Variants in CNOT4 observed in about 807,000 individuals in gnomAD.
CNOT4 encodes CCR4-NOT transcription complex subunit 4, also known as CCR4-associated factor 4.
A neutral mutation model predicts 73.8 loss-of-function variants in CNOT4; 8 were observed. The ratio of observed to expected loss-of-function variants is 0.11; its 90% CI spans 0.06 to 0.20. The LOEUF (loss-of-function observed/expected upper bound fraction) is 0.20. Ranked by LOEUF, CNOT4 falls within the 10% of genes least tolerant of loss-of-function variation. The pLI is 1.00. For synonymous variants in CNOT4, 293 were observed against 321.1 expected (o/e 0.91, Z 0.94); for missense variants, 564 against 883.4 (o/e 0.64, Z 4.58).
At chr7:135,505,794 G>T (rs1002060810) in intron 1 of CNOT4, among the ~76,000 whole-genome samples, 2 of 151,998 alleles carry the variant, frequency 1.3e-5, no homozygotes, top group African/African-American at 4.8e-5. Flanking sequence ...TATAAACTTT[G>T]TAATTAAATA....
intron 1 of CNOT4, among the ~76,000 whole-genome samples, chr7:135,445,797 A>G (rs1799789129): frequency 1.3e-5 from 2 of 152,358 alleles, no homozygotes; most frequent in South Asian, 4.1e-4. Context: ...ATGCTACAAC[A>G]TGAATGAACC....
intron 1 of CNOT4, among the ~76,000 whole-genome samples, chr7:135,456,993 A>C (rs1282687969): frequency 1.3e-5 from 2 of 152,050 alleles, no homozygotes; most frequent in East Asian, 3.8e-4. Flanking sequence ...AACTACTATA[A>C]CTACTAATTC....
At chr7:135,427,750 T>C (rs1013435196) in intron 2 of CNOT4, among the ~76,000 whole-genome samples, 2 of 151,902 alleles carry the variant, frequency 1.3e-5, no homozygotes, top group African/African-American at 4.8e-5. Flanking sequence ...CCATGAAAAA[T>C]ACAACATAAA....
chr7:135,470,561 G>C (rs1443574332), intron 1 of CNOT4, among the ~76,000 whole-genome samples: 1 of 123,924 alleles, frequency 8.1e-6, no homozygotes, highest in Non-Finnish European at 1.7e-5. Flanking sequence ...AACAGAGCTA[G>C]ACTCTGTCTT....
At chr7:135,427,019 G>A (rs565047182) in intron 2 of CNOT4, among the ~76,000 whole-genome samples, 16 of 151,446 alleles carry the variant, frequency 1.1e-4, no homozygotes, top group Non-Finnish European at 1.8e-4. Flanking sequence ...AAAGTTACAA[G>A]CAGAAAATTT....
chr7:135,380,454 A>AT (rs1355129979), intron 10 of CNOT4, among the ~76,000 whole-genome samples: 1 of 152,142 alleles, frequency 6.6e-6, no homozygotes, highest in Non-Finnish European at 1.5e-5. Flanking sequence ...CAAGGTTACA[A>AT]TTTTTTCCCC....
intron 1 of CNOT4, among the ~76,000 whole-genome samples, chr7:135,506,075 T>C (rs1804349832): frequency 6.6e-6 from 1 of 152,220 alleles, no homozygotes; most frequent in African/African-American, 2.4e-5. Flanking sequence ...AATATGTATA[T>C]ACTACAATCT....
chr7:135,373,609 G>A (rs1474313225), intron 10 of CNOT4, among the ~76,000 whole-genome samples: 1 of 152,128 alleles, frequency 6.6e-6, no homozygotes, highest in East Asian at 1.9e-4. Flanking sequence ...ACCAAGTCTT[G>A]CTCTGTCACC....
chr7:135,498,288 A>G (rs1803726076), intron 1 of CNOT4, among the ~76,000 whole-genome samples: 1 of 152,242 alleles, frequency 6.6e-6, no homozygotes, highest in Non-Finnish European at 1.5e-5. Context: ...ATGAAGAACA[A>G]TATTTCCTCT....
chr7:135,443,031 C>T (rs1438210049), intron 1 of CNOT4, among the ~76,000 whole-genome samples: 1 of 151,744 alleles, frequency 6.6e-6, no homozygotes, highest in Non-Finnish European at 1.5e-5. Flanking sequence ...TGTACTCTAG[C>T]CTGGGTGATA....
In CNOT4 at chr7:135,497,426, C is replaced by T. The variant is rs112938524; in HGVS notation, c.-93+12463G>A. On this transcript the variant is annotated intron_variant, in intron 1 of 11. Coordinates refer to ENST00000541284, the MANE Select transcript of CNOT4 (RefSeq NM_001190850.2). ...ACTGTCTCAAAATAAAAATAAAAGACTCTGATAGTCTCTTTTAAGGTTCAT... is the reference window on the plus strand; with the variant it reads ...ACTGTCTCAAAATAAAAATAAAAGATTCTGATAGTCTCTTTTAAGGTTCAT... Among the ~76,000 whole-genome samples, 4 of 152,028 alleles carry T rather than the reference C, an allele frequency of 2.6e-5. 1 individual carries two copies. Among genetic ancestry groups the T allele is most frequent in the African/African-American group, 9.6e-5 (4 of 41,498 alleles).
At chr7:135,394,988 T>A (rs1292740041) in intron 9 of CNOT4, among the ~76,000 whole-genome samples, 1 of 152,198 alleles carries the variant, frequency 6.6e-6, no homozygotes, top group Non-Finnish European at 1.5e-5. Flanking sequence ...AAATACCATT[T>A]AGTAGTAACA....
At chr7:135,492,831 G>A (rs923256124) in intron 1 of CNOT4, among the ~76,000 whole-genome samples, 17 of 152,108 alleles carry the variant, frequency 1.1e-4, no homozygotes, top group African/African-American at 3.9e-4. Flanking sequence ...GGGCTAGAGA[G>A]TAAGATCATT....
At chr7:135,435,017 C>T (rs1209896588) in intron 2 of CNOT4, among the ~76,000 whole-genome samples, 11 of 152,068 alleles carry the variant, frequency 7.2e-5, no homozygotes, top group East Asian at 1.9e-4. Flanking sequence ...TTCAAAGTTA[C>T]GTTCCCTCAA....
At chr7:135,465,722 T>C (rs1404419502) in intron 1 of CNOT4, among the ~76,000 whole-genome samples, 1 of 151,004 alleles carries the variant, frequency 6.6e-6, no homozygotes, top group Non-Finnish European at 1.5e-5. Context: ...AGCATGTGTG[T>C]GTGTTTAACA....
intron 10 of CNOT4, chr7:135,388,991 T>A: frequency 1.8e-6 from 2 of 1,141,314 alleles, no homozygotes; most frequent in Non-Finnish European, 2.5e-6. Context: ...GATACATATA[T>A]AAAATACATG....
rs7790510 is a variant in CNOT4 at position 135,376,076 on chromosome 7, G to A, written c.1628-12010C>T. Among the ~76,000 whole-genome samples the A allele has an allele frequency of 8.4e-4, 127 of 151,672 alleles. 1 individual carries two copies. The highest frequency in any genetic ancestry group is 2.3e-3 in the African/African-American group (95 of 41,396). On this transcript the variant is annotated intron_variant, in intron 10 of 11. Coordinates refer to ENST00000541284, the MANE Select transcript of CNOT4 (RefSeq NM_001190850.2). ...ATTAATCACATAGTCAGTGGGTGACGTGTAGGGGGGAAAATCTTAACAATG... is the reference window on the plus strand; with the variant it reads ...ATTAATCACATAGTCAGTGGGTGACATGTAGGGGGGAAAATCTTAACAATG...
chr7:135,365,812 A>G lies in CNOT4; in HGVS notation c.1628-1746T>C, dbSNP rs1455385058. On this transcript the variant is annotated intron_variant, in intron 10 of 11. Transcript: ENST00000541284. Reference sequence around the variant, plus strand: ...GAAGAAACTGGACTTTGCGGCCAGGAGAAAAAAATTCTGCTCAAGAATACA... The same window carrying G: ...GAAGAAACTGGACTTTGCGGCCAGGGGAAAAAAATTCTGCTCAAGAATACA... 2.0e-5 allele frequency among the ~76,000 whole-genome samples: 3 copies of G among 152,332 alleles called. No individual in the cohort carries two copies. In the East Asian group the frequency reaches 5.8e-4, roughly 29 times the overall value.
intron 10 of CNOT4, chr7:135,388,717 T>C (rs774553058): frequency 5.2e-6 from 8 of 1,539,284 alleles, no homozygotes; most frequent in Non-Finnish European, 7.1e-6. Context: ...AAAAGCAAAA[T>C]CATAAAGGAA....
Sources: gnomAD v4.1 joint callset for allele counts (sites outside exome capture counted in the v4.1 genomes callset) on GRCh38, gnomAD v4.1.1 for gene constraint, MANE v1.5 for transcripts, NCBI Gene and HGNC (gene_info 2026-07-23, HGNC 2026-07-21) for gene names.